PSMB7: variants seen among roughly 807,000 people sequenced by gnomAD.
PSMB7 encodes the protein proteasome subunit beta type-7.
PSMB7 carries 5 observed loss-of-function variants against 28.1 expected under a neutral mutation model. The ratio of observed to expected loss-of-function variants is 0.18; its 90% CI spans 0.09 to 0.37. PSMB7 has a LOEUF of 0.37. PSMB7 is among the 10% of genes least tolerant of loss of function. The probability of loss-of-function intolerance (pLI) is 1.00; values close to 1 mark genes in which losing one functional copy is unlikely to be tolerated. For missense variants in PSMB7, 275 were observed against 346.2 expected (o/e 0.79, Z 1.63); for synonymous variants, 122 against 123.7 (o/e 0.99, Z 0.09).
intron 5 of PSMB7, among the ~76,000 whole-genome samples, chr9:124,403,549 G>A (rs1186326525): frequency 6.6e-6 from 1 of 152,170 alleles, no homozygotes. Flanking sequence ...CTAGCAGCTA[G>A]AGCTAAAACA....
intron 6 of PSMB7, chr9:124,383,944 A>G (rs1223238986): frequency 1.3e-5 from 2 of 152,344 alleles, no homozygotes; most frequent in African/African-American, 4.8e-5. Context: ...AGAGCTGTGC[A>G]TTTGTCCTGA....
At chr9:124,364,830 A>G (rs775637704) in intron 6 of PSMB7, among the ~76,000 whole-genome samples, 10 of 152,232 alleles carry the variant, frequency 6.6e-5, no homozygotes, top group Non-Finnish European at 1.5e-4. Context: ...CAGTCCTGTC[A>G]GAAGCAGAGA....
At chr9:124,377,285 C>A (rs2131155641) in intron 6 of PSMB7, among the ~76,000 whole-genome samples, 1 of 152,306 alleles carries the variant, frequency 6.6e-6, no homozygotes, top group South Asian at 2.1e-4. Flanking sequence ...AGGAAACAGA[C>A]CTGCAGCGCA....
At position 124,395,439 on chromosome 9, in the gene PSMB7, G is replaced by C. The variant is rs566205631; in HGVS notation, c.511+9878C>G. ...GCTCAGGAGTTTGAGGGTACAATGA[G>C]CTATAATCACACCACTGCATTTCAG... On this transcript the variant is annotated intron_variant, in intron 5 of 7. Transcript: ENST00000259457. Among the ~76,000 whole-genome samples the C allele has an allele frequency of 2.6e-4, 39 of 152,144 alleles. 4 individuals are homozygous for C. Among genetic ancestry groups the C allele is most frequent in the South Asian group, 2.5e-3 (12 of 4,812 alleles).
chr9:124,390,957 C>T (rs1830776879), intron 5 of PSMB7, among the ~76,000 whole-genome samples: 3 of 152,190 alleles, frequency 2.0e-5, no homozygotes, highest in South Asian at 4.1e-4. Flanking sequence ...AACAAATACA[C>T]CATGTCTCTC....
At chr9:124,374,729 C>A (rs1830592526) in intron 6 of PSMB7, among the ~76,000 whole-genome samples, 1 of 152,132 alleles carries the variant, frequency 6.6e-6, no homozygotes, top group Non-Finnish European at 1.5e-5. Flanking sequence ...GAGGCTCAGG[C>A]AGGAGGATCC....
intron 6 of PSMB7, among the ~76,000 whole-genome samples, chr9:124,383,161 A>AT (rs916546159): frequency 1.3e-5 from 2 of 151,852 alleles, no homozygotes; most frequent in Non-Finnish European, 2.9e-5. Context: ...AATATATCCT[A>AT]TTTTTTCTCT....
chr9:124,397,622 C>CAA (rs1470067611), intron 5 of PSMB7, among the ~76,000 whole-genome samples: 6 of 151,630 alleles, frequency 4.0e-5, no homozygotes, highest in African/African-American at 1.2e-4. Context: ...TCAAATCACT[C>CAA]AGAAAAAAGA....
chr9:124,374,833 T>A (rs1830593472), intron 6 of PSMB7, among the ~76,000 whole-genome samples: 1 of 151,872 alleles, frequency 6.6e-6, no homozygotes, highest in Non-Finnish European at 1.5e-5. Context: ...CTAAAAAATA[T>A]AAATAAATAA....
chr9:124,361,109 G>GA (rs1191548620), intron 6 of PSMB7, among the ~76,000 whole-genome samples: 1 of 152,142 alleles, frequency 6.6e-6, no homozygotes, highest in Non-Finnish European at 1.5e-5. Flanking sequence ...CTAAAGTTCA[G>GA]AAAATATAAA....
chr9:124,378,229 TGGCTCTCATGGGACGCCA>T (rs1830633081), intron 6 of PSMB7, among the ~76,000 whole-genome samples: 1 of 152,270 alleles, frequency 6.6e-6, no homozygotes, highest in East Asian at 1.9e-4. Context: ...TGCTGTGGCA[TGGCTCTCATGGGACGCCA>T]GAGCATGCCA....
At chr9:124,366,401 A>G (rs1830508893) in intron 6 of PSMB7, among the ~76,000 whole-genome samples, 2 of 152,266 alleles carry the variant, frequency 1.3e-5, no homozygotes, top group Admixed American at 1.3e-4. Context: ...CTCAAAAAAC[A>G]AAGTCTATAA....
intron 6 of PSMB7, among the ~76,000 whole-genome samples, chr9:124,366,804 T>C (rs563976040): frequency 2.6e-5 from 4 of 152,394 alleles, no homozygotes; most frequent in Admixed American, 2.6e-4. Flanking sequence ...TACTTACTGC[T>C]GTGTTACAGC....
chr9:124,369,623 A>C (rs1830542194), intron 6 of PSMB7, among the ~76,000 whole-genome samples: 1 of 152,196 alleles, frequency 6.6e-6, no homozygotes, highest in Non-Finnish European at 1.5e-5. Flanking sequence ...ATGACCGCCC[A>C]GACAACTTTA....
intron 6 of PSMB7, among the ~76,000 whole-genome samples, chr9:124,384,394 T>C (rs932728): frequency 0.99 from 150,478 of 152,326 alleles, 74,342 homozygotes; most frequent in East Asian, 1. Flanking sequence ...ATAGCGCTGG[T>C]GCCTCAAGCC....
chr9:124,381,035 T>G lies in PSMB7; in HGVS notation c.570+3563A>C, dbSNP rs184012478. 1.6e-4 allele frequency among the ~76,000 whole-genome samples: 25 copies of G among 152,352 alleles called. No individual in the cohort carries two copies. In the East Asian group the frequency reaches 3.5e-3, roughly 21 times the overall value. On this transcript the variant is annotated intron_variant, in intron 6 of 7. Transcript: ENST00000259457. ...AACATATAATCAGTATAAAATTTAT[T>G]GAGGTGTTTTAAAAGCTTCTTGTAT...
At chr9:124,403,824 T>C (rs565597545) in intron 5 of PSMB7, among the ~76,000 whole-genome samples, 1 of 152,004 alleles carries the variant, frequency 6.6e-6, no homozygotes, top group African/African-American at 2.4e-5. Context: ...CAAGTTTCAA[T>C]GTAAGGCTTC....
intron 6 of PSMB7, among the ~76,000 whole-genome samples, chr9:124,358,420 C>T (rs1830434935): frequency 6.6e-6 from 1 of 152,166 alleles, no homozygotes; most frequent in Admixed American, 6.5e-5. Context: ...TATGTGGGGC[C>T]AATGAAGCCA....
rs1831037140 is a variant in PSMB7, at chr9:124,412,399, A to C, written c.348T>G (p.Leu116=). The change falls in exon 4 of 8, where the codon CTT becomes CTG. Residue 116 remains leucine (L), a synonymous_variant. Transcript: ENST00000259457. Reference sequence around the variant, plus strand: ...TCCGATTGGCTGTCACAACTCTGGGAAGACGGCCAGTGGAGAGGGAGTGGA... The same window carrying C: ...TCCGATTGGCTGTCACAACTCTGGGCAGACGGCCAGTGGAGAGGGAGTGGA... ...LELHSLSTGR[L]PRVVTANRML... The C allele has an allele frequency of 9.9e-6, 16 of 1,614,028 alleles. No individual in the cohort carries two copies. Among genetic ancestry groups the C allele is most frequent in the Non-Finnish European group, 1.4e-5 (16 of 1,180,004 alleles).
Sources: gnomAD v4.1 joint callset for allele counts (sites outside exome capture counted in the v4.1 genomes callset) on GRCh38, gnomAD v4.1.1 for gene constraint, MANE v1.5 for transcripts, NCBI Gene and HGNC (gene_info 2026-07-23, HGNC 2026-07-21) for gene names.